Variants in OR2Z1 observed in about 807,000 individuals in gnomAD.
OR2Z1 encodes olfactory receptor family 2 subfamily Z member 1, also known as olfactory receptor 2Z1.
For synonymous variants in OR2Z1, 188 were observed against 160.6 expected (o/e 1.17, Z -1.29); for missense variants, 449 against 401.8 (o/e 1.12, Z -1.00).
intron 2 of OR2Z1, among the ~76,000 whole-genome samples, chr19:8,728,479 G>C (rs1044771345): frequency 6.6e-6 from 1 of 152,006 alleles, no homozygotes. Context: ...CCCCTCCCCA[G>C]GCCATTCAAC....
At position 8,730,856 on chromosome 19, in the gene OR2Z1, C is replaced by T; in HGVS notation, c.-169-4C>T. On this transcript the variant is annotated splice_region_variant and splice_polypyrimidine_tract_variant and intron_variant, in intron 2 of 2. Coordinates refer to ENST00000641125, the MANE Select transcript of OR2Z1 (RefSeq NM_001004699.3). ...CACTAACTGATTAAGTTTTCTCCCT[C>T]CAGCCTACTGATTCTAGCTGCAGCC... 3.3e-6 allele frequency: 2 copies of T among 612,238 alleles called. No homozygotes were observed. Among genetic ancestry groups the T allele is most frequent in the Non-Finnish European group, 2.9e-6 (1 of 346,554 alleles). The allele number at this position is 612,238 out of a possible 1,614,324, so 37.9% of individuals were successfully genotyped here. A position where few individuals can be genotyped will look rare whatever the true frequency, so the allele number is the denominator to read the frequency against.
chr19:8,726,838 C>T (rs1312716803), intron 2 of OR2Z1, among the ~76,000 whole-genome samples: 2 of 152,162 alleles, frequency 1.3e-5, no homozygotes, highest in Non-Finnish European at 2.9e-5. Context: ...CAAAGAGCTC[C>T]AGGGAGGCCT....
At position 8,731,645 on chromosome 19, in the gene OR2Z1, T is replaced by A. The variant is rs1555756810; in HGVS notation, c.617T>A (p.Ile206Asn). ...GCGCTGTCCACCTCAGGGGTGCTGA[T>A]CCTAATGCTCCCTCTTTCCCTCATC... Reference protein sequence around the residue: ...EMALSTSGVLILMLPLSLIAT... With the variant: ...EMALSTSGVLNLMLPLSLIAT... The change falls in exon 3 of 3, where the codon ATC (isoleucine) becomes AAC (asparagine). Residue 206 changes from isoleucine to asparagine, a missense_variant. By Grantham distance (149) the Ile-to-Asn change is moderately radical. Coordinates refer to ENST00000641125, the MANE Select transcript of OR2Z1 (RefSeq NM_001004699.3). 3.1e-6 allele frequency: 5 copies of A among 1,613,848 alleles called. No individual in the cohort carries two copies. Among genetic ancestry groups the A allele is most frequent in the Non-Finnish European group, 3.4e-6 (4 of 1,179,976 alleles).
intron 2 of OR2Z1, among the ~76,000 whole-genome samples, chr19:8,723,915 A>G (rs1440730574): frequency 1.3e-5 from 2 of 150,326 alleles, no homozygotes; most frequent in Non-Finnish European, 3.0e-5. Context: ...CCAGGGTGGG[A>G]CATGATCACC....
At chr19:8,726,288 A>G (rs2043327078) in intron 2 of OR2Z1, among the ~76,000 whole-genome samples, 1 of 152,166 alleles carries the variant, frequency 6.6e-6, no homozygotes, top group Non-Finnish European at 1.5e-5. Context: ...TTTAATGACC[A>G]GATCTCGCAA....
rs538427096 is a variant in OR2Z1, at chr19:8,731,157, C to G, written c.129C>G (p.Thr43=). The G allele has an allele frequency of 7.4e-6, 12 of 1,614,044 alleles. No individual in the cohort carries two copies. The highest frequency in any genetic ancestry group is 7.6e-6 in the Non-Finnish European group (9 of 1,180,002). Residue 43 remains threonine (T), a synonymous_variant, in exon 3 of 3, where the codon ACC becomes ACG. Coordinates refer to ENST00000641125, the MANE Select transcript of OR2Z1 (RefSeq NM_001004699.3). Reference sequence around the variant, plus strand: ...TTGTCATAGGCCTTCTGGGCAACACCGTTCTTCTCTTCTTGATCCGTGTGG... The same window carrying G: ...TTGTCATAGGCCTTCTGGGCAACACGGTTCTTCTCTTCTTGATCCGTGTGG... ...VMFVIGLLGN[T]VLLFLIRVDS... is the part of the protein sequence containing the mutation.
chr19:8,727,563 T>TA (rs1239688950), intron 2 of OR2Z1, among the ~76,000 whole-genome samples: 169 of 150,176 alleles, frequency 1.1e-3, no homozygotes, highest in African/African-American at 1.8e-3. Context: ...ATAATAATAA[T>TA]AAAAAAAAAC....
In OR2Z1 at chr19:8,731,473, T is replaced by C. The variant is rs1292538123; in HGVS notation, c.445T>C (p.Trp149Arg). ...ATGTCTGCTGATGATGGGCTCCTCCTGGGTGGTAGGTGTGCTCAACGCCTC... is the reference window on the plus strand; with the variant it reads ...ATGTCTGCTGATGATGGGCTCCTCCCGGGTGGTAGGTGTGCTCAACGCCTC... The part of the protein sequence containing the change: ...QVCLLMMGSS[W>R]VVGVLNASIQ... The change falls in exon 3 of 3, where the codon TGG becomes CGG. Residue 149 changes from tryptophan to arginine, a missense_variant. Transcript: ENST00000641125. 5 of 1,614,012 alleles carry C rather than the reference T, an allele frequency of 3.1e-6. No homozygotes were observed. The highest frequency in any genetic ancestry group is 4.2e-6 in the Non-Finnish European group (5 of 1,180,042).
chr19:8,731,229 C>A lies in OR2Z1; in HGVS notation c.201C>A (p.Ser67=), dbSNP rs1042888028. The A allele has an allele frequency of 1.9e-6, 3 of 1,614,104 alleles. No individual in the cohort carries two copies. The highest frequency in any genetic ancestry group is 2.5e-6 in the Non-Finnish European group (3 of 1,180,018). Residue 67 remains serine (S), a synonymous_variant, in exon 3 of 3, where the codon TCC becomes TCA. Transcript: ENST00000641125. ...TPMYFLLSQL[S]LFDIGCPMVT... is the part of the protein sequence containing the mutation. Reference sequence around the variant, plus strand: ...TGTACTTCCTGCTCAGCCAGCTCTCCCTGTTTGACATTGGCTGTCCCATGG... The same window carrying A: ...TGTACTTCCTGCTCAGCCAGCTCTCACTGTTTGACATTGGCTGTCCCATGG...
chr19:8,728,978 G>T, intron 2 of OR2Z1: 2 of 699,996 alleles, frequency 2.9e-6, no homozygotes, highest in Non-Finnish European at 5.2e-6. Flanking sequence ...GCAACGTGAT[G>T]ATTGCAGAGT....
intron 2 of OR2Z1, among the ~76,000 whole-genome samples, chr19:8,724,371 G>C (rs1411948436): frequency 6.6e-6 from 1 of 151,994 alleles, no homozygotes; most frequent in Non-Finnish European, 1.5e-5. Flanking sequence ...AAGTAGCCGG[G>C]ACTATAAGCA....
chr19:8,725,869 TG>T (rs1292669836), intron 2 of OR2Z1, among the ~76,000 whole-genome samples: 27 of 152,316 alleles, frequency 1.8e-4, no homozygotes, highest in African/African-American at 6.3e-4. Flanking sequence ...CTTCTGCTTC[TG>T]GGGAGGTCTC....
intron 2 of OR2Z1, among the ~76,000 whole-genome samples, chr19:8,725,488 C>T (rs1555756061): frequency 2.6e-5 from 4 of 152,194 alleles, no homozygotes; most frequent in African/African-American, 9.7e-5. Flanking sequence ...AATGATCTGC[C>T]CGCCTCAGCC....
At chr19:8,730,608 C>T (rs145090439) in intron 2 of OR2Z1, among the ~76,000 whole-genome samples, 10 of 152,066 alleles carry the variant, frequency 6.6e-5, no homozygotes, top group African/African-American at 1.7e-4. Context: ...TTAGTAGAGA[C>T]GAGGTTTCAC....
intron 2 of OR2Z1, among the ~76,000 whole-genome samples, chr19:8,730,034 T>C (rs536913074): frequency 6.6e-6 from 1 of 152,246 alleles, no homozygotes; most frequent in East Asian, 1.9e-4. Context: ...TATGGCTGCA[T>C]AGCAATCCAT....
intron 2 of OR2Z1, chr19:8,728,624 G>A: frequency 2.3e-6 from 1 of 435,916 alleles, no homozygotes; most frequent in Non-Finnish European, 4.4e-6. Context: ...ATGCTGATTT[G>A]GGTTTCAATT....
At position 8,731,490 on chromosome 19, in the gene OR2Z1, C is replaced by G. The variant is rs1555756767; in HGVS notation, c.462C>G (p.Leu154=). The G allele has an allele frequency of 2.5e-6, 4 of 1,614,062 alleles. No homozygotes were observed. In the Admixed American group the frequency reaches 5.0e-5, roughly 20 times the overall value. ...MMGSSWVVGV[L]NASIQTSITL... ...GCTCCTCCTGGGTGGTAGGTGTGCT[C>G]AACGCCTCCATCCAGACCTCCATCA... is the stretch of plus-strand genomic sequence containing the variant. The change falls in exon 3 of 3, where the codon CTC becomes CTG. Residue 154 remains leucine, a synonymous_variant. Coordinates refer to ENST00000641125, the MANE Select transcript of OR2Z1 (RefSeq NM_001004699.3).
At chr19:8,726,106 C>A (rs1486769209) in intron 2 of OR2Z1, among the ~76,000 whole-genome samples, 1 of 152,156 alleles carries the variant, frequency 6.6e-6, no homozygotes, top group Non-Finnish European at 1.5e-5. Context: ...GCTGGGATTA[C>A]AGTCACCTGC....
rs55655760 is a variant in OR2Z1, at chr19:8,723,968, TTGTGTGTGTGTG to T, written c.-170+850_-170+861del. ...AACTTAGTGGTGAAGGGGAGTCTGTTTGTGTGTGTGTGTGTGTGTGTGTGTGTGTGTGTGTGT... is the reference window on the plus strand; with the variant it reads ...AACTTAGTGGTGAAGGGGAGTCTGTTTGTGTGTGTGTGTGTGTGTGTGTGT... On this transcript the variant is annotated intron_variant, in intron 2 of 2. Transcript: ENST00000641125. 8.6e-3 allele frequency among the ~76,000 whole-genome samples: 1,137 copies of T among 132,844 alleles called. 26 individuals are homozygous for T. Among genetic ancestry groups the T allele is most frequent in the East Asian group, 0.021 (93 of 4,472 alleles). 87.2% of individuals were successfully genotyped at this position (132,844 alleles called of 152,430 possible). A position where few individuals can be genotyped will look rare whatever the true frequency, so the allele number is the denominator to read the frequency against.
Sources: gnomAD v4.1 joint callset for allele counts (sites outside exome capture counted in the v4.1 genomes callset) on GRCh38, gnomAD v4.1.1 for gene constraint, MANE v1.5 for transcripts, NCBI Gene and HGNC (gene_info 2026-07-23, HGNC 2026-07-21) for gene names.